The following PPP1R9A variants were observed in gnomAD, a reference collection of about 807,000 sequenced individuals.
PPP1R9A encodes the protein neurabin-1.
PPP1R9A carries 59 observed loss-of-function variants against 141.9 expected under a neutral mutation model. That is an observed-to-expected ratio of 0.42 (90% CI 0.34 to 0.52). The LOEUF (loss-of-function observed/expected upper bound fraction) is 0.52. Ranked by LOEUF, PPP1R9A falls within the 20% of genes least tolerant of loss-of-function variation. The probability of loss-of-function intolerance (pLI) is 0.10; values close to 1 mark genes in which losing one functional copy is unlikely to be tolerated. For missense variants in PPP1R9A, 1,444 were observed against 1,611.9 expected (o/e 0.90, Z 1.78); for synonymous variants, 500 against 569.7 (o/e 0.88, Z 1.74).
intron 2 of PPP1R9A, among the ~76,000 whole-genome samples, chr7:94,936,651 GGTGTGTGTGTGT>G (rs35730484): frequency 2.4e-5 from 2 of 82,236 alleles, no homozygotes; most frequent in Non-Finnish European, 7.3e-5. Context: ...ACTGTGTAGG[GGTGTGTGTGTGT>G]GTGTGTGTGT....
At chr7:94,966,936 G>A (rs527431482) in intron 2 of PPP1R9A, among the ~76,000 whole-genome samples, 2 of 152,016 alleles carry the variant, frequency 1.3e-5, no homozygotes, top group Non-Finnish European at 1.5e-5. Context: ...CTGTGAATTC[G>A]TCTGGTCCTG....
rs1363746256 is a variant in PPP1R9A, at chr7:95,181,437, T to TGG, written c.1755-16912_1755-16911insGG. Among the ~76,000 whole-genome samples, 375 of 133,374 alleles carry TGG rather than the reference T, an allele frequency of 2.8e-3. 5 individuals are homozygous for TGG. The highest frequency in any genetic ancestry group is 0.01 in the African/African-American group (358 of 35,330). The allele number at this position is 133,374 out of a possible 152,430, so 87.5% of individuals were successfully genotyped here. A position where few individuals can be genotyped will look rare whatever the true frequency, so the allele number is the denominator to read the frequency against. ...ATATATAGAATATAGAGAATATATA[T>TGG]ATTCCATCATATATATAGAATATAT... On this transcript the variant is annotated intron_variant, in intron 5 of 19. Transcript: ENST00000433360.
intron 18 of PPP1R9A, chr7:95,287,257 T>C (rs1477803790): frequency 7.3e-6 from 9 of 1,228,944 alleles, no homozygotes; most frequent in Non-Finnish European, 1.1e-5. Context: ...GTGAAGGGTT[T>C]CCTTGTGTTA....
intron 2 of PPP1R9A, among the ~76,000 whole-genome samples, chr7:95,104,191 A>T (rs1292810192): frequency 6.6e-6 from 1 of 152,218 alleles, no homozygotes; most frequent in Non-Finnish European, 1.5e-5. Context: ...CGAGGCTTGC[A>T]GATTAACAGC....
In PPP1R9A at chr7:95,293,484, C is replaced by T. The variant is rs1477516653; in HGVS notation, c.*3181C>T. The T allele has an allele frequency of 6.6e-6, 1 of 152,054 alleles. No homozygotes were observed. The allele number at this position is 152,054 out of a possible 1,614,324, so 9.4% of individuals were successfully genotyped here. A position where few individuals can be genotyped will look rare whatever the true frequency, so the allele number is the denominator to read the frequency against. The stretch of plus-strand genomic sequence containing the variant: ...TCAACATCACAAGCTTTTTTTAACC[C>T]ACAGCAGTTCATGATTGCAGTATGA... On this transcript the variant is annotated 3_prime_UTR_variant, in exon 20 of 20. Coordinates refer to ENST00000433360, the MANE Select transcript of PPP1R9A (RefSeq NM_001166160.2).
intron 2 of PPP1R9A, among the ~76,000 whole-genome samples, chr7:95,027,235 T>C (rs1343987888): frequency 6.6e-6 from 1 of 152,180 alleles, no homozygotes; most frequent in African/African-American, 2.4e-5. Flanking sequence ...GGGAATCTCC[T>C]GGTCTAAAGG....
At position 95,053,999 on chromosome 7, in the gene PPP1R9A, T is replaced by C. The variant is rs202191300; in HGVS notation, c.1396-57260T>C. ...GAAAGAAATGTTAAATCAGCTAAAA[T>C]AAGTATACATAGACAGTTTATGTTG... is the stretch of plus-strand genomic sequence containing the variant. On this transcript the variant is annotated intron_variant, in intron 2 of 19. Transcript: ENST00000433360. 4.6e-5 allele frequency among the ~76,000 whole-genome samples: 7 copies of C among 152,178 alleles called. No individual in the cohort carries two copies. In the East Asian group the frequency reaches 9.7e-4, roughly 21 times the overall value.
At chr7:95,245,791 C>A (rs2152995743) in intron 8 of PPP1R9A, among the ~76,000 whole-genome samples, 1 of 152,166 alleles carries the variant, frequency 6.6e-6, no homozygotes, top group African/African-American at 2.4e-5. Flanking sequence ...CTAAAAGAGC[C>A]AGATTTTGTG....
intron 2 of PPP1R9A, among the ~76,000 whole-genome samples, chr7:95,105,002 A>G (rs947921257): frequency 1.3e-5 from 2 of 152,204 alleles, no homozygotes; most frequent in Non-Finnish European, 2.9e-5. Flanking sequence ...GAAACTCAGC[A>G]TGCTAGGACC....
At chr7:95,023,681 A>T (rs893359177) in intron 2 of PPP1R9A, among the ~76,000 whole-genome samples, 4 of 151,966 alleles carry the variant, frequency 2.6e-5, no homozygotes, top group Admixed American at 1.3e-4. Flanking sequence ...CTTCCTGAGT[A>T]GCTGGGACTA....
At chr7:95,224,336 A>G (rs1248072079) in intron 7 of PPP1R9A, among the ~76,000 whole-genome samples, 1 of 152,154 alleles carries the variant, frequency 6.6e-6, no homozygotes, top group Non-Finnish European at 1.5e-5. Flanking sequence ...TCATTGCTCC[A>G]CATGGAATAT....
intron 4 of PPP1R9A, among the ~76,000 whole-genome samples, chr7:95,136,485 T>C (rs552403914): frequency 8.5e-5 from 13 of 152,158 alleles, no homozygotes; most frequent in Non-Finnish European, 1.3e-4. Context: ...CACAAAGATA[T>C]AAAGTTAAAA....
In PPP1R9A at chr7:95,290,080, T is replaced by G; in HGVS notation, c.3913-11T>G. The G allele has an allele frequency of 1.2e-6, 2 of 1,612,014 alleles. No individual in the cohort carries two copies. The highest frequency in any genetic ancestry group is 1.7e-6 in the Non-Finnish European group (2 of 1,179,420). On this transcript the variant is annotated splice_polypyrimidine_tract_variant and intron_variant, in intron 19 of 19. Transcript: ENST00000433360. Reference sequence around the variant, plus strand: ...TTTCAAATTCAGTTTGTGTGTGTGTTTCTTTCTTAGGCTCTTGGAATGACA... The same window carrying G: ...TTTCAAATTCAGTTTGTGTGTGTGTGTCTTTCTTAGGCTCTTGGAATGACA...
rs1055287033 is a variant in PPP1R9A at position 95,215,672 on chromosome 7, C to T, written c.1957-10289C>T. Among the ~76,000 whole-genome samples the T allele has an allele frequency of 4.2e-3, 643 of 152,218 alleles. 4 individuals carry two copies. Among genetic ancestry groups the T allele is most frequent in the African/African-American group, 0.014 (579 of 41,530 alleles). On this transcript the variant is annotated intron_variant, in intron 7 of 19. Coordinates refer to ENST00000433360, the MANE Select transcript of PPP1R9A (RefSeq NM_001166160.2). ...TTTTAATGATCGCCATTCTAACTGG[C>T]ATGAGATGGTATCTCATTGTGGTTT... is the stretch of plus-strand genomic sequence containing the variant.
intron 2 of PPP1R9A, among the ~76,000 whole-genome samples, chr7:95,108,302 C>CGTTTCTTTTTTTTT (rs1204011323): frequency 1.5e-5 from 1 of 68,760 alleles, no homozygotes; most frequent in African/African-American, 5.3e-5. Context: ...TTTTTCGTTT[C>CGTTTCTTTTTTTTT]TTTTCTTTTT....
chr7:94,991,279 A>T (rs1801471948), intron 2 of PPP1R9A, among the ~76,000 whole-genome samples: 1 of 152,128 alleles, frequency 6.6e-6, no homozygotes, highest in African/African-American at 2.4e-5. Context: ...ATGATTAGTG[A>T]TGTTGAGCAT....
chr7:95,203,471 A>C (rs957682826), intron 6 of PPP1R9A, among the ~76,000 whole-genome samples, 194 bp from the exon 7 acceptor site: 4 of 152,154 alleles, frequency 2.6e-5, no homozygotes, highest in African/African-American at 4.8e-5. Context: ...ATGTAAATAG[A>C]CTTTATACTG....
rs1441306663 is a variant in PPP1R9A, at chr7:95,286,192, A to T, written c.3610-14A>T. 3 of 1,611,758 alleles carry T rather than the reference A, an allele frequency of 1.9e-6. No homozygotes were observed. The highest frequency in any genetic ancestry group is 2.5e-6 in the Non-Finnish European group (3 of 1,178,562). On this transcript the variant is annotated splice_polypyrimidine_tract_variant and intron_variant, in intron 17 of 19. Transcript: ENST00000433360. ...CTGCACTCATTTAACACTGAGCTTC[A>T]TTTATTTTTACAGAATTTTACCTTC...
intron 2 of PPP1R9A, among the ~76,000 whole-genome samples, chr7:95,100,032 A>G (rs1458419589): frequency 1.3e-5 from 2 of 152,002 alleles, no homozygotes; most frequent in Admixed American, 6.6e-5. Flanking sequence ...TATGTGTTAC[A>G]TATATATTTT....
Sources: gnomAD v4.1 joint callset for allele counts (sites outside exome capture counted in the v4.1 genomes callset) on GRCh38, gnomAD v4.1.1 for gene constraint, MANE v1.5 for transcripts, NCBI Gene and HGNC (gene_info 2026-07-23, HGNC 2026-07-21) for gene names.